Variants in PCDH15 observed in about 807,000 individuals in gnomAD.
The protein encoded by PCDH15 is protocadherin related 15.
PCDH15 carries 129 observed loss-of-function variants against 178.5 expected under a neutral mutation model. The ratio of observed to expected loss-of-function variants is 0.72; its 90% CI spans 0.63 to 0.84. The LOEUF (loss-of-function observed/expected upper bound fraction) is 0.84, where lower values mean the gene tolerates loss of function less well. Ranked by LOEUF, PCDH15 falls within the 40% of genes least tolerant of loss-of-function variation. The pLI is 0.00. For missense variants in PCDH15, 2,230 were observed against 2,099.9 expected, an observed-to-expected ratio of 1.06 and a Z score of -1.21; for synonymous variants, 800 against 732.0, an observed-to-expected ratio of 1.09 and a Z score of -1.50.
intron 2 of PCDH15, among the ~76,000 whole-genome samples, chr10:54,965,258 C>G (rs1477950698): frequency 6.6e-6 from 1 of 152,118 alleles, no homozygotes; most frequent in African/African-American, 2.4e-5. Flanking sequence ...CAAATCTCAT[C>G]TTGAATTGTA....
intron 13 of PCDH15, among the ~76,000 whole-genome samples, chr10:54,179,795 G>A (rs2047805487): frequency 6.6e-6 from 1 of 152,148 alleles, no homozygotes; most frequent in South Asian, 2.1e-4. Context: ...TCCTCAGGCA[G>A]AATGCTAATA....
At chr10:54,675,554 T>A (rs1057080655) in intron 1 of PCDH15, among the ~76,000 whole-genome samples, 4 of 152,088 alleles carry the variant, frequency 2.6e-5, no homozygotes, top group African/African-American at 4.8e-5. Context: ...AGCTAGTTAT[T>A]TCTGCCTAGG....
At position 55,200,637 on chromosome 10, in the gene PCDH15, G is replaced by A. The variant is rs373465876; in HGVS notation, c.-155-33986C>T. The stretch of plus-strand genomic sequence containing the variant: ...GGAGGGGCCAGGAACAGAATGATAT[G>A]GTTTGACTCTATTTCCCCACCCAAA... On this transcript the variant is annotated intron_variant, in intron 1 of 5. Transcript: ENST00000458638. Among the ~76,000 whole-genome samples, 46 of 152,152 alleles carry A rather than the reference G, an allele frequency of 3.0e-4. 1 individual carries two copies. The highest frequency in any genetic ancestry group is 1.1e-3 in the African/African-American group (44 of 41,450).
At chr10:54,688,666 T>C (rs867968859) in intron 1 of PCDH15, among the ~76,000 whole-genome samples, 2 of 152,146 alleles carry the variant, frequency 1.3e-5, no homozygotes, top group Non-Finnish European at 2.9e-5. Context: ...AATCAGTTTC[T>C]AGTTACCAGT....
At chr10:54,668,679 C>T (rs531126898) in intron 1 of PCDH15, among the ~76,000 whole-genome samples, 1 of 152,274 alleles carries the variant, frequency 6.6e-6, no homozygotes, top group Non-Finnish European at 1.5e-5. Flanking sequence ...AAGGTTGACA[C>T]CACAGCAGTT....
At chr10:54,976,739 C>A (rs1321043013) in intron 2 of PCDH15, among the ~76,000 whole-genome samples, 4 of 152,192 alleles carry the variant, frequency 2.6e-5, no homozygotes, top group African/African-American at 9.6e-5. Flanking sequence ...ATTCTGCCTA[C>A]ATCTTAGCAG....
At chr10:54,942,387 A>G (rs1311194196) in intron 2 of PCDH15, among the ~76,000 whole-genome samples, 6 of 151,928 alleles carry the variant, frequency 3.9e-5, no homozygotes, top group Non-Finnish European at 1.5e-5. Flanking sequence ...AAATATCCAG[A>G]GACTTTAAAT....
intron 15 of PCDH15, among the ~76,000 whole-genome samples, chr10:54,099,432 G>T (rs2094763831): frequency 6.9e-6 from 1 of 144,832 alleles, no homozygotes; most frequent in African/African-American, 2.6e-5. Flanking sequence ...CCAGGAGGAG[G>T]AGCTTGCAGT....
intron 2 of PCDH15, among the ~76,000 whole-genome samples, chr10:54,992,877 G>C (rs1030535007): frequency 6.6e-6 from 1 of 152,078 alleles, no homozygotes; most frequent in Non-Finnish European, 1.5e-5. Context: ...ATATTTTAGA[G>C]ATAAGGGTCT....
intron 2 of PCDH15, among the ~76,000 whole-genome samples, chr10:54,930,020 T>G (rs1258923083): frequency 6.6e-6 from 1 of 152,178 alleles, no homozygotes; most frequent in African/African-American, 2.4e-5. Context: ...AAAATTGAGC[T>G]GCAGACATAG....
intron 1 of PCDH15, among the ~76,000 whole-genome samples, chr10:55,191,956 T>A (rs1447527187): frequency 1.3e-5 from 2 of 151,846 alleles, no homozygotes; most frequent in African/African-American, 2.4e-5. Context: ...CTAAAAAAAA[T>A]TAGTTAAAAA....
At chr10:54,779,508 A>ATG (rs1447861121) in intron 1 of PCDH15, among the ~76,000 whole-genome samples, 11 of 142,478 alleles carry the variant, frequency 7.7e-5, no homozygotes, top group African/African-American at 1.5e-4. Context: ...ACACACATAT[A>ATG]TGTGTGTATA....
intron 2 of PCDH15, among the ~76,000 whole-genome samples, chr10:55,154,917 G>A (rs1838841725): frequency 6.6e-6 from 1 of 152,068 alleles, no homozygotes; most frequent in African/African-American, 2.4e-5. Flanking sequence ...GCAAGATGAA[G>A]TAATTCACAC....
At chr10:54,189,968 T>C (rs2048841765) in intron 11 of PCDH15, among the ~76,000 whole-genome samples, 1 of 151,558 alleles carries the variant, frequency 6.6e-6, no homozygotes, top group South Asian at 2.1e-4. Flanking sequence ...TGTGTATGGG[T>C]ATATGTCTAC....
chr10:54,303,322 T>A (rs1214283440), intron 8 of PCDH15, among the ~76,000 whole-genome samples: 1 of 152,032 alleles, frequency 6.6e-6, no homozygotes, highest in African/African-American at 2.4e-5. Flanking sequence ...AAAATATGAG[T>A]TTATATGTCC....
At chr10:54,955,648 G>A (rs1490765827) in intron 2 of PCDH15, among the ~76,000 whole-genome samples, 7 of 151,216 alleles carry the variant, frequency 4.6e-5, no homozygotes, top group South Asian at 2.1e-4. Flanking sequence ...TTTTTATGTA[G>A]TATGTAATTT....
chr10:54,711,825 A>T (rs187219761), intron 1 of PCDH15, among the ~76,000 whole-genome samples: 100 of 152,028 alleles, frequency 6.6e-4, no homozygotes, highest in Non-Finnish European at 1.2e-3. Context: ...TCAGATTTTA[A>T]AATTATAATC....
chr10:54,986,844 A>T (rs1290905049), intron 2 of PCDH15, among the ~76,000 whole-genome samples: 2 of 152,202 alleles, frequency 1.3e-5, no homozygotes, highest in Non-Finnish European at 2.9e-5. Flanking sequence ...AAAACTTGCC[A>T]TCCCTAGAGT....
chr10:54,984,426 C>T (rs1246505635), intron 2 of PCDH15, among the ~76,000 whole-genome samples: 2 of 152,182 alleles, frequency 1.3e-5, no homozygotes, highest in Admixed American at 6.5e-5. Context: ...CACAGAGAAG[C>T]CAAGAATCTG....
Sources: allele counts gnomAD v4.1 joint callset (sites outside exome capture counted in the v4.1 genomes callset), GRCh38; gene constraint gnomAD v4.1.1; transcripts MANE v1.5; gene names NCBI Gene and HGNC (gene_info 2026-07-23, HGNC 2026-07-21).